The following KPNA7 variants were observed in gnomAD, a reference collection of about 807,000 sequenced individuals.
KPNA7 encodes the protein karyopherin subunit alpha 7.
A neutral mutation model predicts 53.7 loss-of-function variants in KPNA7; 54 were observed. The observed-to-expected ratio is 1.01, with a 90% confidence interval of 0.81 to 1.26. KPNA7 has a LOEUF of 1.26. KPNA7 is among the 50% of genes most tolerant of loss of function. The pLI is 0.00. For missense variants in KPNA7, 640 were observed against 644.5 expected, an observed-to-expected ratio of 0.99 and a Z score of 0.07; for synonymous variants, 276 against 259.3, an observed-to-expected ratio of 1.06 and a Z score of -0.62.
downstream of KPNA7, among the ~76,000 whole-genome samples, chr7:99,173,062 C>CAAAAAAAAAAA (rs923484332): frequency 8.7e-5 from 5 of 57,160 alleles, no homozygotes; most frequent in African/African-American, 1.9e-4. Context: ...AACTCCATCT[C>CAAAAAAAAAAA]AAAAAAAAAA....
At chr7:99,201,642 G>C (rs1440604034) in intron 3 of KPNA7, among the ~76,000 whole-genome samples, 2 of 149,008 alleles carry the variant, frequency 1.3e-5, no homozygotes, top group Non-Finnish European at 3.0e-5. Context: ...CAGCCTGGGC[G>C]ACAGAGTGAG....
At chr7:99,209,592 A>G (rs1790990685), upstream of KPNA7, among the ~76,000 whole-genome samples, 1 of 142,862 alleles carries the variant, frequency 7.0e-6, no homozygotes, top group South Asian at 2.3e-4. Flanking sequence ...CTGAGACAGG[A>G]GAATCGCTTG....
chr7:99,153,100 G>T, the KPNA7 span, among the ~76,000 whole-genome samples: 1 of 152,156 alleles, frequency 6.6e-6, no homozygotes, highest in Non-Finnish European at 1.5e-5. Context: ...ATGTTTCATG[G>T]AATCTGTTGG....
chr7:99,197,157 G>C (rs565000509), intron 3 of KPNA7, among the ~76,000 whole-genome samples: 3 of 152,148 alleles, frequency 2.0e-5, no homozygotes, highest in Non-Finnish European at 4.4e-5. Flanking sequence ...AGTGGTGAAC[G>C]CATGCCCCCA....
chr7:99,216,085 T>C (rs1175308016), intron 1 of KPNA7, among the ~76,000 whole-genome samples: 1 of 152,036 alleles, frequency 6.6e-6, no homozygotes, highest in Non-Finnish European at 1.5e-5. Flanking sequence ...TGGAGTGCAG[T>C]GGCACAATCA....
the KPNA7 span, among the ~76,000 whole-genome samples, chr7:99,152,942 A>G: frequency 1.3e-5 from 2 of 152,198 alleles, no homozygotes; most frequent in Non-Finnish European, 1.5e-5. Context: ...GAATTTATAG[A>G]TTATGGTTGA....
At chr7:99,168,775 G>A (rs1403481683), downstream of KPNA7, among the ~76,000 whole-genome samples, 1 of 152,158 alleles carries the variant, frequency 6.6e-6, no homozygotes, top group Non-Finnish European at 1.5e-5. Context: ...TGGGACCACA[G>A]GTGCACACCA....
At position 99,184,942 on chromosome 7, in the gene KPNA7, G is replaced by A. The variant is rs542325281; in HGVS notation, c.1121C>T (p.Ala374Val). 2.0e-5 allele frequency: 31 copies of A among 1,552,040 alleles called. 1 individual carries two copies. The South Asian group carries it at 3.3e-4, about 17-fold the overall frequency. Residue 374 changes from alanine (A) to valine (V), a missense_variant, in exon 8 of 11, where the codon GCT becomes GTT. Coordinates refer to ENST00000327442, the MANE Select transcript of KPNA7 (RefSeq NM_001145715.3). ...LAYDVLPPLV[A>V]LLKNGEFKVQ... ...TGCGCCACTTACGTTTTTTAGCAGA[G>A]CCACCAAGGGAGGCAAGACGTCGTA...
rs138860457 is a variant in KPNA7, at chr7:99,191,781, C to A, written c.636+1238G>T. ...TCTCCTGCCTCAGCCTCCCAAGTAG[C>A]TGGGACTACAGGAACGTGCCACCAT... On this transcript the variant is annotated intron_variant, in intron 6 of 10. Transcript: ENST00000327442. Among the ~76,000 whole-genome samples the A allele has an allele frequency of 8.6e-4, 131 of 152,262 alleles. 1 individual carries two copies. Among genetic ancestry groups the A allele is most frequent in the Middle Eastern group, 3.4e-3 (1 of 294 alleles).
At chr7:99,160,878 T>G in the KPNA7 span, among the ~76,000 whole-genome samples, 1 of 152,038 alleles carries the variant, frequency 6.6e-6, no homozygotes, top group Non-Finnish European at 1.5e-5. Flanking sequence ...TGCCACCTTT[T>G]TTTTTTGAGA....
At chr7:99,178,191 T>C (rs1430475934) in intron 9 of KPNA7, 125 bp from the exon 10 acceptor site, 2 of 783,214 alleles carry the variant, frequency 2.6e-6, no homozygotes, top group Non-Finnish European at 4.0e-6. Context: ...CCAGAATGGA[T>C]AGTTGCAATT....
Position 99,188,319 on chromosome 7 carries a change from C to T in KPNA7, c.881G>A (p.Ser294Asn), listed in dbSNP as rs1179744502. Residue 294 changes from serine (S) to asparagine (N), a missense_variant, in exon 7 of 11, where the codon AGC becomes AAC. Coordinates refer to ENST00000327442, the MANE Select transcript of KPNA7 (RefSeq NM_001145715.3). ...VLPRLVVLMT[S>N]SELNVLTPSL... is the part of the protein sequence containing the mutation. ...ATTTACCAAGACATTGAGTTCTGAGCTGGTCATGAGCACTACCAGCCTGGG... is the reference window on the plus strand; with the variant it reads ...ATTTACCAAGACATTGAGTTCTGAGTTGGTCATGAGCACTACCAGCCTGGG... 1 of 1,551,422 alleles carries T rather than the reference C, an allele frequency of 6.4e-7. No homozygotes were observed. Among genetic ancestry groups the T allele is most frequent in the South Asian group, 1.2e-5 (1 of 84,060 alleles).
At chr7:99,188,738 T>A (rs967602963) in intron 6 of KPNA7, among the ~76,000 whole-genome samples, 175 bp from the exon 7 acceptor site, 1 of 152,194 alleles carries the variant, frequency 6.6e-6, no homozygotes, top group African/African-American at 2.4e-5. Context: ...AGTGCAGTGA[T>A]GCAATCTTGG....
At chr7:99,167,836 T>C in the KPNA7 span, among the ~76,000 whole-genome samples, 1 of 151,986 alleles carries the variant, frequency 6.6e-6, no homozygotes, top group Admixed American at 6.6e-5. Flanking sequence ...CACCTCCAGA[T>C]GGGACCACCT....
chr7:99,170,129 AG>A (rs1459826322), downstream of KPNA7, among the ~76,000 whole-genome samples: 2 of 152,204 alleles, frequency 1.3e-5, no homozygotes, highest in Non-Finnish European at 2.9e-5. Flanking sequence ...CACCAATGAC[AG>A]GCCCCGCTCA....
intron 2 of KPNA7, among the ~76,000 whole-genome samples, chr7:99,203,918 C>T (rs895764005): frequency 6.6e-6 from 1 of 152,002 alleles, no homozygotes; most frequent in Non-Finnish European, 1.5e-5. Flanking sequence ...TCCATGTTGG[C>T]CAGGCTGCTC....
At chr7:99,176,252 C>T (rs1362892567) in intron 10 of KPNA7, among the ~76,000 whole-genome samples, 3 of 143,962 alleles carry the variant, frequency 2.1e-5, no homozygotes, top group South Asian at 4.5e-4. Flanking sequence ...GAGCCAAGAT[C>T]GCGCCACTGC....
chr7:99,159,322 C>T, the KPNA7 span, among the ~76,000 whole-genome samples: 1 of 131,144 alleles, frequency 7.6e-6, no homozygotes, highest in Admixed American at 8.9e-5. Context: ...TCACTCCAGC[C>T]TGGGTGACAC....
the KPNA7 span, among the ~76,000 whole-genome samples, chr7:99,155,378 G>A: frequency 2.0e-5 from 3 of 152,064 alleles, no homozygotes; most frequent in African/African-American, 7.2e-5. Flanking sequence ...ATTCTCTTTT[G>A]TGTGCATTGC....
Sources: allele counts gnomAD v4.1 joint callset (sites outside exome capture counted in the v4.1 genomes callset), GRCh38; gene constraint gnomAD v4.1.1; transcripts MANE v1.5; gene names NCBI Gene and HGNC (gene_info 2026-07-23, HGNC 2026-07-21).